The following ZMYM2 variants were observed in gnomAD, a reference collection of about 807,000 sequenced individuals.
The protein encoded by ZMYM2 is zinc finger MYM-type containing 2.
ZMYM2 carries 56 observed loss-of-function variants against 162.8 expected under a neutral mutation model. The observed-to-expected ratio is 0.34, with a 90% confidence interval of 0.28 to 0.43. The LOEUF is 0.43. ZMYM2 is among the 20% of genes least tolerant of loss of function. The pLI is 1.00. For missense variants in ZMYM2, 1,275 were observed against 1,621.8 expected, an observed-to-expected ratio of 0.79 and a Z score of 3.67; for synonymous variants, 510 against 541.6, an observed-to-expected ratio of 0.94 and a Z score of 0.81.
chr13:20,026,484 T>C (rs1952592676), intron 7 of ZMYM2, 128 bp from the exon 8 acceptor site: 2 of 854,962 alleles, frequency 2.3e-6, no homozygotes, highest in Admixed American at 3.4e-5. Context: ...TGAAGACTCA[T>C]GACTCTAAAC....
chr13:20,058,984 A>G (rs770743857), intron 15 of ZMYM2: 35 of 494,594 alleles, frequency 7.1e-5, no homozygotes, highest in Non-Finnish European at 1.2e-4. Context: ...TACTAAAATT[A>G]TAATGCTTCC....
intron 2 of ZMYM2, among the ~76,000 whole-genome samples, chr13:19,987,111 C>CAAAAAAA (rs58588019): frequency 7.3e-5 from 3 of 40,960 alleles, no homozygotes; most frequent in Non-Finnish European, 1.1e-4. Flanking sequence ...GGCTCCGTCT[C>CAAAAAAA]AAAAAAAAAA....
intron 6 of ZMYM2, among the ~76,000 whole-genome samples, chr13:20,007,974 G>GT (rs1381301029): frequency 6.6e-6 from 1 of 152,048 alleles, no homozygotes; most frequent in Non-Finnish European, 1.5e-5. Context: ...GCAAAGTTTT[G>GT]TTTTTTGTGG....
chr13:19,878,273 G>C, the ZMYM2 span, among the ~76,000 whole-genome samples: 1 of 151,956 alleles, frequency 6.6e-6, no homozygotes, highest in African/African-American at 2.4e-5. Flanking sequence ...GGCTGGTCTC[G>C]AACTCCTGAC....
chr13:20,005,309 TTAGA>T (rs1285503237), intron 5 of ZMYM2, 70 bp downstream of exon 5: 150 of 1,162,970 alleles, frequency 1.3e-4, no homozygotes, highest in Middle Eastern at 2.9e-4. Flanking sequence ...TTAAGAACTA[TTAGA>T]TAATCTTTTA....
rs548813563 is a variant in ZMYM2, at chr13:20,004,263, G to GT, written c.1134-802dup. Among the ~76,000 whole-genome samples the GT allele has an allele frequency of 1.7e-3, 258 of 150,878 alleles. 1 individual carries two copies. The highest frequency in any genetic ancestry group is 5.5e-3 in the African/African-American group (226 of 41,212). On this transcript the variant is annotated intron_variant, in intron 4 of 24. Coordinates refer to ENST00000610343, the MANE Select transcript of ZMYM2 (RefSeq NM_197968.4). ...AGTATTGTCAGTTTTGTTTTGTTTT[G>GT]TTTTTTTTTGAGACGGATTCTCGCT...
At chr13:19,870,361 C>T in the ZMYM2 span, among the ~76,000 whole-genome samples, 1 of 151,524 alleles carries the variant, frequency 6.6e-6, no homozygotes, top group Admixed American at 6.6e-5. Context: ...TGGTCTCAAA[C>T]TCCTGAGCTC....
At chr13:20,024,338 T>TA (rs1952385220) in intron 7 of ZMYM2, 1 of 202,082 alleles carries the variant, frequency 4.9e-6, no homozygotes, top group East Asian at 7.7e-5. Context: ...ATTCTGCCAA[T>TA]AAAATCAGCG....
chr13:20,082,138 T>TGGACTAAACA lies in ZMYM2; in HGVS notation c.3568+8_3568+9insGGACTAAACA. ...CAAGCATACTTCCAGATGGTAATGC[T>TGGACTAAACA]ATTTTCACTAAAGGTGTTGCTCTCT... On this transcript the variant is annotated intron_variant, in intron 22 of 24. Coordinates refer to ENST00000610343, the MANE Select transcript of ZMYM2 (RefSeq NM_197968.4). 6.4e-7 allele frequency: 1 copy of TGGACTAAACA among 1,565,706 alleles called. No individual in the cohort carries two copies. Among genetic ancestry groups the TGGACTAAACA allele is most frequent in the Non-Finnish European group, 8.7e-7 (1 of 1,146,352 alleles).
At chr13:19,992,428 G>A (rs1444955613) in intron 2 of ZMYM2, among the ~76,000 whole-genome samples, 1 of 152,114 alleles carries the variant, frequency 6.6e-6, no homozygotes. Flanking sequence ...TTAGCCAGGT[G>A]TGGTGGCGAT....
At chr13:19,972,535 A>G (rs1206016637) in intron 2 of ZMYM2, among the ~76,000 whole-genome samples, 1 of 152,000 alleles carries the variant, frequency 6.6e-6, no homozygotes, top group Non-Finnish European at 1.5e-5. Context: ...CTCCATTTTA[A>G]CTGTCGTGAA....
At chr13:19,884,957 A>G in the ZMYM2 span, among the ~76,000 whole-genome samples, 1 of 151,956 alleles carries the variant, frequency 6.6e-6, no homozygotes, top group South Asian at 2.1e-4. Context: ...CATTTTACAG[A>G]GTGCTGATTG....
chr13:20,037,090 T>C (rs1156668754), intron 12 of ZMYM2, among the ~76,000 whole-genome samples, 181 bp downstream of exon 12: 2 of 152,130 alleles, frequency 1.3e-5, no homozygotes, highest in African/African-American at 4.8e-5. Flanking sequence ...AGCATTTTTA[T>C]CTCTTTTTTT....
intron 2 of ZMYM2, among the ~76,000 whole-genome samples, chr13:19,978,923 T>C (rs920736307): frequency 1.3e-5 from 2 of 152,250 alleles, no homozygotes; most frequent in Non-Finnish European, 2.9e-5. Context: ...CGGGCAGGTC[T>C]GCAGGAAATG....
chr13:20,046,538 A>C (rs1046242295), intron 12 of ZMYM2, among the ~76,000 whole-genome samples: 10 of 134,140 alleles, frequency 7.5e-5, no homozygotes, highest in African/African-American at 2.4e-4. Context: ...TGGGGGACAC[A>C]GTAAGACTTT....
At chr13:19,970,616 A>C (rs1956227423) in intron 2 of ZMYM2, among the ~76,000 whole-genome samples, 1 of 151,698 alleles carries the variant, frequency 6.6e-6, no homozygotes, top group Non-Finnish European at 1.5e-5. Context: ...AAAAAAAAAA[A>C]AAAAAAGGGC....
the ZMYM2 span, among the ~76,000 whole-genome samples, chr13:19,874,867 C>A: frequency 0.1 from 15,184 of 152,128 alleles, 897 homozygotes; most frequent in African/African-American, 0.17. Context: ...AAATTAACAT[C>A]ATGATGAGAT....
chr13:20,061,658 G>A (rs1490109583), intron 17 of ZMYM2, among the ~76,000 whole-genome samples: 1 of 151,552 alleles, frequency 6.6e-6, no homozygotes, highest in South Asian at 2.1e-4. Flanking sequence ...GCATGATCCC[G>A]GTTCACTGAG....
the ZMYM2 span, among the ~76,000 whole-genome samples, chr13:19,881,655 C>A: frequency 6.6e-6 from 1 of 151,156 alleles, no homozygotes; most frequent in Non-Finnish European, 1.5e-5. Context: ...TAAAATAAAA[C>A]AAATGAGAGT....
Sources: allele counts gnomAD v4.1 joint callset (sites outside exome capture counted in the v4.1 genomes callset), GRCh38; gene constraint gnomAD v4.1.1; transcripts MANE v1.5; gene names NCBI Gene and HGNC (gene_info 2026-07-23, HGNC 2026-07-21).